Variants in POM121 observed in about 807,000 individuals in gnomAD.
POM121 encodes the protein nuclear envelope pore membrane protein POM 121.
Under a neutral mutation model 81.3 loss-of-function variants are expected in POM121, and 32 were observed. The observed-to-expected ratio is 0.39, with a 90% CI of 0.30 to 0.53. The LOEUF (loss-of-function observed/expected upper bound fraction) is 0.53, where lower values mean the gene tolerates loss of function less well. POM121 is among the 20% of genes least tolerant of loss of function. The probability of loss-of-function intolerance (pLI) is 0.66; values close to 1 mark genes in which losing one functional copy is unlikely to be tolerated. For synonymous variants in POM121, 514 were observed against 694.2 expected, an observed-to-expected ratio of 0.74 and a Z score of 4.08; for missense variants, 1,138 against 1,614.6, an observed-to-expected ratio of 0.70 and a Z score of 5.06.
At chr7:72,936,469 G>A (rs1312244753) in intron 5 of POM121, among the ~76,000 whole-genome samples, 1 of 151,526 alleles carries the variant, frequency 6.6e-6, no homozygotes, top group African/African-American at 2.4e-5. Context: ...AGTAGAGACG[G>A]GGTTTCACCA....
chr7:72,945,599 C>A lies in POM121; in HGVS notation c.3543C>A (p.Pro1181=), dbSNP rs138959922. The A allele has an allele frequency of 2.5e-3, 3,977 of 1,613,382 alleles. 36 individuals carry two copies. In the Middle Eastern group the frequency reaches 0.026, roughly 11 times the overall value. The change falls in exon 12 of 13, where the codon CCC becomes CCA. Residue 1181 remains proline, a synonymous_variant. Transcript: ENST00000434423. ...SKPVFGGTAT[P]TFGLNTPAPG... ...TCTTCATTCCAGGCACCGCCACCCC[C>A]ACCTTTGGTCTGAACACCCCTGCGC... is the stretch of plus-strand genomic sequence containing the variant.
intron 3 of POM121, among the ~76,000 whole-genome samples, chr7:72,895,930 T>A (rs1229466555): frequency 6.6e-6 from 1 of 150,686 alleles, no homozygotes; most frequent in African/African-American, 2.5e-5. Flanking sequence ...CAATCAAATC[T>A]ATCATTTACC....
chr7:72,939,518 A>C, intron 7 of POM121, 109 bp downstream of exon 7: 1 of 1,449,612 alleles, frequency 6.9e-7, no homozygotes, highest in Admixed American at 2.6e-5. Flanking sequence ...GCTATGTCTA[A>C]GGCATGTTAG....
intron 4 of POM121, among the ~76,000 whole-genome samples, chr7:72,914,602 G>GGCCTCAAGCGATCCTCCT (rs1331691444): frequency 2.0e-5 from 3 of 151,600 alleles, no homozygotes; most frequent in Non-Finnish European, 4.4e-5. Flanking sequence ...TTGAACTTCT[G>GGCCTCAAGCGATCCTCCT]GCCTCAAGCG....
At chr7:72,893,350 G>A (rs1277831145) in intron 3 of POM121, among the ~76,000 whole-genome samples, 4 of 151,932 alleles carry the variant, frequency 2.6e-5, no homozygotes, top group East Asian at 3.9e-4. Flanking sequence ...TTGGGAGGCC[G>A]AGGCGGGCGG....
At chr7:72,933,664 A>T (rs2129578786) in intron 5 of POM121, among the ~76,000 whole-genome samples, 1 of 152,318 alleles carries the variant, frequency 6.6e-6, no homozygotes, top group South Asian at 2.1e-4. Context: ...TGTGACAGGA[A>T]TTGTCCACAT....
intron 11 of POM121, among the ~76,000 whole-genome samples, chr7:72,944,738 C>T (rs1237886404): frequency 2.6e-5 from 4 of 151,278 alleles, no homozygotes; most frequent in Non-Finnish European, 5.9e-5. Context: ...ACAGGAGATT[C>T]GGGAGCCGGA....
At chr7:72,891,099 A>G in exon 3 of POM121, 1 of 1,140,206 alleles carries the variant, frequency 8.8e-7, no homozygotes, top group South Asian at 1.3e-5. Context: ...TTTCCATGTC[A>G]ACATAGTCCA....
chr7:72,929,666 CT>C (rs1795823602), intron 4 of POM121, among the ~76,000 whole-genome samples: 1 of 152,334 alleles, frequency 6.6e-6, no homozygotes, highest in East Asian at 1.9e-4. Context: ...ACTTCCACCC[CT>C]GTTCCCAGGC....
At chr7:72,917,340 G>A (rs1554495240) in intron 4 of POM121, among the ~76,000 whole-genome samples, 1 of 152,184 alleles carries the variant, frequency 6.6e-6, no homozygotes, top group African/African-American at 2.4e-5. Flanking sequence ...ACTTAGCTGG[G>A]CCTGCACTGA....
intron 4 of POM121, 140 bp from the exon 5 acceptor site, chr7:72,929,800 T>G (rs2129578197): frequency 1.5e-6 from 2 of 1,306,510 alleles, no homozygotes; most frequent in Non-Finnish European, 2.0e-6. Flanking sequence ...TCAGATAGAT[T>G]TGGCCAGATT....
intron 4 of POM121, among the ~76,000 whole-genome samples, chr7:72,919,110 T>C (rs1483869587): frequency 2.6e-5 from 4 of 152,106 alleles, no homozygotes; most frequent in Non-Finnish European, 4.4e-5. Context: ...TTCACCATGT[T>C]GGTCAGTCTG....
intron 5 of POM121, among the ~76,000 whole-genome samples, chr7:72,933,610 G>A (rs1248779972): frequency 6.6e-6 from 1 of 152,200 alleles, no homozygotes; most frequent in Non-Finnish European, 1.5e-5. Context: ...CTCCTCACGC[G>A]TTGCTGGTGG....
At chr7:72,884,743 G>A (rs373563248) in intron 1 of POM121, among the ~76,000 whole-genome samples, 1,661 of 82,966 alleles carry the variant, frequency 0.02, no homozygotes, top group South Asian at 0.053. Flanking sequence ...CTATATACGT[G>A]TGTGTATATA....
At chr7:72,894,506 A>T (rs1397916100) in intron 3 of POM121, among the ~76,000 whole-genome samples, 1 of 150,402 alleles carries the variant, frequency 6.6e-6, no homozygotes, top group Non-Finnish European at 1.5e-5. Flanking sequence ...TGAACCTGGG[A>T]GGCGGAGGTT....
downstream of POM121, chr7:72,949,570 C>T: frequency 1.4e-6 from 1 of 706,024 alleles, no homozygotes; most frequent in South Asian, 1.7e-5. Flanking sequence ...CACAGACAAC[C>T]AGAACATGCA....
intron 1 of POM121, among the ~76,000 whole-genome samples, chr7:72,881,265 T>C (rs555535227): frequency 1.3e-5 from 2 of 151,256 alleles, no homozygotes; most frequent in African/African-American, 4.9e-5. Context: ...GACGGGGTTT[T>C]GCCATGTTGG....
intron 1 of POM121, among the ~76,000 whole-genome samples, chr7:72,881,909 G>A (rs1790195804): frequency 6.6e-6 from 1 of 152,170 alleles, no homozygotes; most frequent in Admixed American, 6.5e-5. Flanking sequence ...GGGATTACAG[G>A]CATGAGCCAC....
upstream of POM121, chr7:72,924,923 A>C: frequency 1.1e-6 from 1 of 949,582 alleles, no homozygotes; most frequent in Non-Finnish European, 1.4e-6. Context: ...TGGCGCTGGG[A>C]GCCACGCGGA....
Sources: allele counts gnomAD v4.1 joint callset (sites outside exome capture counted in the v4.1 genomes callset), GRCh38; gene constraint gnomAD v4.1.1; transcripts MANE v1.5; gene names NCBI Gene and HGNC (gene_info 2026-07-23, HGNC 2026-07-21).